PSG2: variants seen among roughly 807,000 people sequenced by gnomAD.
PSG2 encodes pregnancy-specific beta-1-glycoprotein 2.
In PSG2, 49 loss-of-function variants were observed where a neutral mutation model predicts 36.2. The ratio of observed to expected loss-of-function variants is 1.35; its 90% CI spans 1.08 to 1.72. The LOEUF (loss-of-function observed/expected upper bound fraction) is 1.72, where lower values mean the gene tolerates loss of function less well. PSG2 is among the 40% of genes most tolerant of loss of function. The pLI is 0.00. For synonymous variants in PSG2, 261 were observed against 155.6 expected, an observed-to-expected ratio of 1.68 and a Z score of -5.04; for missense variants, 605 against 407.2, an observed-to-expected ratio of 1.49 and a Z score of -4.18.
intron 2 of PSG2, 80 bp from the exon 3 acceptor site, chr19:43,075,712 T>G (rs1967886127): frequency 6.5e-7 from 1 of 1,546,946 alleles, no homozygotes; most frequent in South Asian, 1.3e-5. Flanking sequence ...AGAGTTGGCA[T>G]TTCCCACCTC....
chr19:43,070,884 T>C (rs147759351), intron 4 of PSG2, among the ~76,000 whole-genome samples: 5 of 151,782 alleles, frequency 3.3e-5, no homozygotes, highest in Admixed American at 3.3e-4. Context: ...TTACACACTT[T>C]TTGGCACTGC....
chr19:43,069,250 T>C (rs1328438230), intron 4 of PSG2, among the ~76,000 whole-genome samples: 5 of 151,656 alleles, frequency 3.3e-5, no homozygotes, highest in South Asian at 2.1e-4. Context: ...TTTTCATGAA[T>C]TGGAAGACTC....
intron 5 of PSG2, among the ~76,000 whole-genome samples, chr19:43,064,923 C>T (rs532572902): frequency 1.4e-4 from 21 of 151,884 alleles, no homozygotes; most frequent in South Asian, 8.3e-4. Flanking sequence ...GCTCCGCCTC[C>T]GCGGTTCATG....
At chr19:43,072,341 C>A (rs1967831632) in intron 3 of PSG2, 1 of 1,612,010 alleles carries the variant, frequency 6.2e-7, no homozygotes, top group Non-Finnish European at 8.5e-7. Flanking sequence ...CACAGAGGAA[C>A]AAAAGATACA....
chr19:43,067,577 C>T (rs1432838517), intron 4 of PSG2, among the ~76,000 whole-genome samples: 2 of 151,350 alleles, frequency 1.3e-5, no homozygotes, highest in Admixed American at 6.6e-5. Flanking sequence ...ACATTATTTC[C>T]ATTTTGGCAA....
intron 4 of PSG2, among the ~76,000 whole-genome samples, chr19:43,067,601 G>T (rs1186233450): frequency 6.6e-6 from 1 of 151,336 alleles, no homozygotes; most frequent in African/African-American, 2.4e-5. Context: ...AAAGACAGAA[G>T]CTTAGCGTGG....
intron 4 of PSG2, among the ~76,000 whole-genome samples, chr19:43,070,376 T>G (rs1211103377): frequency 6.6e-6 from 1 of 151,582 alleles, no homozygotes; most frequent in Non-Finnish European, 1.5e-5. Context: ...TGAAAGAAAT[T>G]TGAACAAATA....
chr19:43,070,365 T>C (rs1322283338), intron 4 of PSG2, among the ~76,000 whole-genome samples: 2 of 151,596 alleles, frequency 1.3e-5, no homozygotes, highest in Non-Finnish European at 2.9e-5. Context: ...CCCCATAGAA[T>C]TGAAAGAAAT....
chr19:43,066,129 C>T (rs1334116105), intron 5 of PSG2, among the ~76,000 whole-genome samples: 3 of 151,606 alleles, frequency 2.0e-5, no homozygotes, highest in Admixed American at 1.3e-4. Context: ...ATGAGGCAAT[C>T]ATATGCAAGG....
chr19:43,071,170 C>A lies in PSG2; in HGVS notation c.964+530G>T, dbSNP rs575046693. Among the ~76,000 whole-genome samples the A allele has an allele frequency of 9.3e-4, 141 of 151,616 alleles. 3 individuals are homozygous for A. The highest frequency in any genetic ancestry group is 1.7e-3 in the Non-Finnish European group (116 of 67,954). ...GGGGTCTTTCTCCACACATGCTGGT[C>A]CCACCCCAGGTGGAGTCAAACAGGG... On this transcript the variant is annotated intron_variant, in intron 4 of 5. Coordinates refer to ENST00000406487, the MANE Select transcript of PSG2 (RefSeq NM_031246.4).
chr19:43,064,840 A>T lies in PSG2; in HGVS notation c.*41-239T>A, dbSNP rs189034791. ...AATTTTTAGAATACTCATTAAAAAA[A>T]TTTTTTTTTCAGATGGAGTCTCACT... On this transcript the variant is annotated intron_variant, in intron 5 of 5. Coordinates refer to ENST00000406487, the MANE Select transcript of PSG2 (RefSeq NM_031246.4). Among the ~76,000 whole-genome samples, 727 of 151,340 alleles carry T rather than the reference A, an allele frequency of 4.8e-3. 20 individuals carry two copies. The highest frequency in any genetic ancestry group is 0.017 in the African/African-American group (690 of 41,054).
At chr19:43,073,914 C>T (rs1418821507) in intron 3 of PSG2, among the ~76,000 whole-genome samples, 6 of 151,796 alleles carry the variant, frequency 4.0e-5, no homozygotes, top group East Asian at 1.9e-4. Flanking sequence ...CTAAAATGCT[C>T]CAGTGAGCAT....
Position 43,078,330 on chromosome 19 carries a change from G to A in PSG2, c.430+2551C>T, listed in dbSNP as rs542228810. 8.6e-5 allele frequency among the ~76,000 whole-genome samples: 13 copies of A among 151,882 alleles called. 1 individual carries two copies. Among genetic ancestry groups the A allele is most frequent in the Non-Finnish European group, 1.9e-4 (13 of 67,986 alleles). On this transcript the variant is annotated intron_variant, in intron 2 of 5. Coordinates refer to ENST00000406487, the MANE Select transcript of PSG2 (RefSeq NM_031246.4). ...GAGATTAAGATTATAGGAGGGAACC[G>A]AATTCTGCTAAATTGTTGTCACAGT...
At chr19:43,081,310 C>A (rs1967971018) in intron 1 of PSG2, 64 bp from the exon 2 acceptor site, 9 of 1,518,700 alleles carry the variant, frequency 5.9e-6, no homozygotes, top group Non-Finnish European at 7.1e-6. Context: ...AAGATGGGGC[C>A]CTGGGTCCTG....
At chr19:43,070,818 G>A (rs1354603105) in intron 4 of PSG2, among the ~76,000 whole-genome samples, 2 of 151,544 alleles carry the variant, frequency 1.3e-5, no homozygotes, top group African/African-American at 2.4e-5. Context: ...AATAGCTAAT[G>A]GTAAGCCTTA....
At chr19:43,078,593 G>A (rs1050054982) in intron 2 of PSG2, among the ~76,000 whole-genome samples, 1 of 151,404 alleles carries the variant, frequency 6.6e-6, no homozygotes, top group Non-Finnish European at 1.5e-5. Context: ...ATTTCCCTCC[G>A]CCCGCATGAT....
At chr19:43,076,668 G>A (rs752530037) in intron 2 of PSG2, among the ~76,000 whole-genome samples, 4 of 151,606 alleles carry the variant, frequency 2.6e-5, no homozygotes, top group Non-Finnish European at 5.9e-5. Context: ...TCCAGGAGCT[G>A]GGATCAGGGG....
chr19:43,081,287 G>C, intron 1 of PSG2, 41 bp from the exon 2 acceptor site: 1 of 1,573,284 alleles, frequency 6.4e-7, no homozygotes, highest in Non-Finnish European at 8.6e-7. Flanking sequence ...TGAGACCTAT[G>C]TATTGGGGTG....
intron 2 of PSG2, among the ~76,000 whole-genome samples, chr19:43,077,788 G>T (rs762014638): frequency 6.6e-6 from 1 of 151,784 alleles, no homozygotes; most frequent in Non-Finnish European, 1.5e-5. Context: ...TGAATCAGTT[G>T]TTCCACTTTT....
Sources: gnomAD v4.1 joint callset for allele counts (sites outside exome capture counted in the v4.1 genomes callset) on GRCh38, gnomAD v4.1.1 for gene constraint, MANE v1.5 for transcripts, NCBI Gene and HGNC (gene_info 2026-07-23, HGNC 2026-07-21) for gene names.